DISP3: variants seen among roughly 807,000 people sequenced by gnomAD.
The protein encoded by DISP3 is dispatched RND transporter family member 3, also known as protein dispatched homolog 3.
A neutral mutation model predicts 135.3 loss-of-function variants in DISP3; 101 were observed. The ratio of observed to expected loss-of-function variants is 0.75; its 90% confidence interval spans 0.64 to 0.88. DISP3 has a LOEUF of 0.88. DISP3 is among the 40% of genes least tolerant of loss of function. The pLI is 0.00. For synonymous variants in DISP3, 856 were observed against 817.0 expected, an observed-to-expected ratio of 1.05 and a Z score of -0.81; for missense variants, 1,713 against 1,878.6, an observed-to-expected ratio of 0.91 and a Z score of 1.63.
At chr1:11,533,887 G>C (rs1642639746) in intron 17 of DISP3, 1 of 716,576 alleles carries the variant, frequency 1.4e-6, no homozygotes, top group South Asian at 1.5e-5. Context: ...GGGCACTGTG[G>C]GCCAGCCAGG....
At chr1:11,523,859 T>C (rs1415161055) in intron 10 of DISP3, 83 bp from the exon 11 acceptor site, 2 of 1,138,098 alleles carry the variant, frequency 1.8e-6, no homozygotes, top group Non-Finnish European at 2.6e-6. Context: ...CTGTCTCAGA[T>C]CCCAGCCTCT....
At chr1:11,522,618 ACCCAGCCAGAG>A (rs1352986820) in intron 10 of DISP3, among the ~76,000 whole-genome samples, 1,966 of 35,104 alleles carry the variant, frequency 0.056, 246 homozygotes, top group Middle Eastern at 0.16. Context: ...CCCAGCCAGG[ACCCAGCCAGAG>A]CCCAGCCAGA....
chr1:11,485,369 C>T (rs897288285), intron 1 of DISP3, among the ~76,000 whole-genome samples: 1 of 152,166 alleles, frequency 6.6e-6, no homozygotes, highest in Non-Finnish European at 1.5e-5. Flanking sequence ...GCCATCTGCT[C>T]GGGGCATCCA....
intron 3 of DISP3, among the ~76,000 whole-genome samples, chr1:11,512,729 C>G (rs1415157830): frequency 1.3e-5 from 2 of 152,120 alleles, no homozygotes; most frequent in African/African-American, 4.8e-5. Context: ...CAGCAGAGCC[C>G]CACTCTACTG....
At chr1:11,485,713 T>G (rs1417970768) in intron 1 of DISP3, among the ~76,000 whole-genome samples, 1 of 152,172 alleles carries the variant, frequency 6.6e-6, no homozygotes, top group East Asian at 1.9e-4. Flanking sequence ...TTTTGAATGT[T>G]TACTACCTGC....
At chr1:11,535,355 T>TC in intron 19 of DISP3, 123 bp from the exon 20 acceptor site, 3 of 1,350,218 alleles carry the variant, frequency 2.2e-6, no homozygotes, top group Non-Finnish European at 3.0e-6. Context: ...CCCTCAGGGG[T>TC]CCCCTCGGTG....
intron 1 of DISP3, among the ~76,000 whole-genome samples, chr1:11,479,603 C>G (rs1489249394): frequency 6.6e-6 from 1 of 152,228 alleles, no homozygotes; most frequent in East Asian, 1.9e-4. Flanking sequence ...GGCCCCAGCT[C>G]CGCACCATCT....
At chr1:11,498,709 A>G (rs990206590) in intron 1 of DISP3, among the ~76,000 whole-genome samples, 3 of 152,290 alleles carry the variant, frequency 2.0e-5, no homozygotes, top group Admixed American at 1.3e-4. Flanking sequence ...GGAGGGAAGT[A>G]GCATATGAAA....
Position 11,519,412 on chromosome 1 carries a change from CG to C in DISP3, c.1948del (p.Ala650LeufsTer82). The C allele has an allele frequency of 6.2e-7, 1 of 1,613,838 alleles. No homozygotes were observed. ...SLHFPGDVFAAPEQVGGSPAQ... is the reference protein window; with the variant it reads ...SLHFPGDVFAXPEQVGGSPAQ... ...TGCACTTCCCCGGAGACGTGTTTGC[CG>C]CTCCCGAGCAGGTTGGAGGCAGCCC... is the stretch of plus-strand genomic sequence containing the variant. On this transcript the variant is annotated frameshift_variant, in exon 8 of 21. Transcript: ENST00000294484. LOFTEE classifies it high-confidence loss of function. The surrounding 1 kb of genome is among the most constrained non-coding windows in gnomAD (Gnocchi z 4.3).
chr1:11,480,677 G>GCACACACACACACACACACACA (rs70983561), intron 1 of DISP3, among the ~76,000 whole-genome samples: 3 of 142,632 alleles, frequency 2.1e-5, no homozygotes, highest in Non-Finnish European at 4.6e-5. Flanking sequence ...GCGCGCGCGT[G>GCACACACACACACACACACACA]CACACACACA....
chr1:11,531,846 A>G lies in DISP3; in HGVS notation c.3375+136A>G. 1 of 1,258,266 alleles carries G rather than the reference A, an allele frequency of 7.9e-7. No individual in the cohort carries two copies. The highest frequency in any genetic ancestry group is 1.1e-6 in the Non-Finnish European group (1 of 939,148). 77.9% of individuals were successfully genotyped at this position (1,258,266 alleles called of 1,614,324 possible). A position where few individuals can be genotyped will look rare whatever the true frequency, so the allele number is the denominator to read the frequency against. On this transcript the variant is annotated intron_variant, in intron 17 of 20. Transcript: ENST00000294484. The surrounding 1 kb of genome is among the most constrained non-coding windows in gnomAD (Gnocchi z 5.2). ...GGTGGAGTGACTTGCCTGAGGTCAC[A>G]TAGTTAGTGGGTGTCAGTGTCGAGT...
rs1570114676 is a variant in DISP3 at position 11,516,242 on chromosome 1, A to G, written c.1749+81A>G. The stretch of plus-strand genomic sequence containing the variant: ...GCCGCTGGTCTCTGCCCTTCCCACC[A>G]CCGCTTGAGTGGCCATATAGCCTTC... On this transcript the variant is annotated intron_variant, in intron 6 of 20. Coordinates refer to ENST00000294484, the MANE Select transcript of DISP3 (RefSeq NM_020780.2). This position sits in a 1 kb window ranked among gnomAD's most constrained non-coding sequence, Gnocchi z 5.1. 4.3e-5 allele frequency: 65 copies of G among 1,509,442 alleles called. No individual in the cohort carries two copies. The East Asian group carries it at 1.5e-3, about 34-fold the overall frequency. The allele number at this position is 1,509,442 out of a possible 1,614,324, so 93.5% of individuals were successfully genotyped here. A position where few individuals can be genotyped will look rare whatever the true frequency, so the allele number is the denominator to read the frequency against.
At chr1:11,532,694 G>GGTTT (rs1557623309) in intron 17 of DISP3, among the ~76,000 whole-genome samples, 1 of 151,950 alleles carries the variant, frequency 6.6e-6, no homozygotes, top group East Asian at 1.9e-4. Context: ...CATCTTAACC[G>GGTTT]GTTTTTTTGT....
intron 10 of DISP3, among the ~76,000 whole-genome samples, chr1:11,522,970 ACCCAGCCGGAG>A (rs200142888): frequency 6.2e-5 from 5 of 80,908 alleles, no homozygotes; most frequent in Admixed American, 2.9e-4. Flanking sequence ...CCCAGCCAGG[ACCCAGCCGGAG>A]CCCAGCCAGA....
In DISP3 at chr1:11,515,487, C is replaced by T. The variant is rs756241984; in HGVS notation, c.1572C>T (p.Phe524=). The change falls in exon 5 of 21, where the codon TTC becomes TTT. Residue 524 remains phenylalanine (F), a synonymous_variant. Transcript: ENST00000294484. The stretch of plus-strand genomic sequence containing the variant: ...GCATCCTGAATGGGGTGGCCGCCTT[C>T]GTGATCGTGGGCATTGGTGAGTCGC... ...YLGILNGVAA[F]VIVGIGVDDV... 1.4e-5 allele frequency: 22 copies of T among 1,608,418 alleles called. 1 individual carries two copies. The highest frequency in any genetic ancestry group is 1.6e-4 in the Middle Eastern group (1 of 6,066).
Position 11,531,481 on chromosome 1 carries a change from G to T in DISP3, c.3230-84G>T. On this transcript the variant is annotated intron_variant, in intron 16 of 20. Coordinates refer to ENST00000294484, the MANE Select transcript of DISP3 (RefSeq NM_020780.2). This position sits in a 1 kb window ranked among gnomAD's most constrained non-coding sequence, Gnocchi z 5.2. ...CAAGCACTCTAAGCCTCAGAGGTAT[G>T]TGAGTGCGTGGGCACAGGTGTGATG... The T allele has an allele frequency of 6.3e-7, 1 of 1,579,588 alleles. No homozygotes were observed. The highest frequency in any genetic ancestry group is 1.1e-5 in the South Asian group (1 of 89,642).
chr1:11,526,870 AG>A, intron 13 of DISP3, 35 bp downstream of exon 13: 1 of 1,578,958 alleles, frequency 6.3e-7, no homozygotes, highest in Non-Finnish European at 8.6e-7. Flanking sequence ...GGTGCCCATC[AG>A]CCCGGCTGCT....
rs931688926 is a variant in DISP3 at position 11,531,796 on chromosome 1, G to A, written c.3375+86G>A. 4.0e-6 allele frequency: 6 copies of A among 1,492,932 alleles called. No individual in the cohort carries two copies. In the African/African-American group the frequency reaches 5.6e-5, roughly 14 times the overall value. 92.5% of individuals were successfully genotyped at this position (1,492,932 alleles called of 1,614,324 possible). On this transcript the variant is annotated intron_variant, in intron 17 of 20. Transcript: ENST00000294484. This position sits in a 1 kb window ranked among gnomAD's most constrained non-coding sequence, Gnocchi z 5.2. ...TGATCCCAGCCCTCTTCCCAGATCG[G>A]GGGGGAGATGCTGAGGCCCAGAGAG...
intron 1 of DISP3, among the ~76,000 whole-genome samples, chr1:11,500,237 G>C (rs11807720): frequency 6.6e-6 from 1 of 152,242 alleles, no homozygotes; most frequent in African/African-American, 2.4e-5. Flanking sequence ...AGCTACTGAG[G>C]GTTCTCCAGG....
Sources: allele counts gnomAD v4.1 joint callset (sites outside exome capture counted in the v4.1 genomes callset), GRCh38; gene constraint gnomAD v4.1.1; non-coding constraint Gnocchi (gnomAD v3.1); transcripts MANE v1.5; gene names NCBI Gene and HGNC (gene_info 2026-07-23, HGNC 2026-07-21).